BTBD7: variants seen among roughly 807,000 people sequenced by gnomAD.
The protein encoded by BTBD7 is BTB domain containing 7, also known as BTB/POZ domain-containing protein 7.
BTBD7 carries 38 observed loss-of-function variants against 99.9 expected under a neutral mutation model. The ratio of observed to expected loss-of-function variants is 0.38; its 90% confidence interval spans 0.29 to 0.50. BTBD7 has a LOEUF of 0.50. Ranked by LOEUF, BTBD7 falls within the 20% of genes least tolerant of loss-of-function variation. The probability of loss-of-function intolerance (pLI) is 0.93; values close to 1 mark genes in which losing one functional copy is unlikely to be tolerated. For missense variants in BTBD7, 1,170 were observed against 1,394.6 expected (o/e 0.84, Z 2.57); for synonymous variants, 520 against 511.4 (o/e 1.02, Z -0.23).
chr14:93,298,529 C>G (rs1188764216), intron 1 of BTBD7, among the ~76,000 whole-genome samples: 1 of 152,216 alleles, frequency 6.6e-6, no homozygotes, highest in Non-Finnish European at 1.5e-5. Context: ...TGTGTTTAGA[C>G]TTGGGTACCC....
intron 1 of BTBD7, among the ~76,000 whole-genome samples, chr14:93,332,523 T>C (rs2053452297): frequency 6.6e-6 from 1 of 150,680 alleles, no homozygotes; most frequent in Non-Finnish European, 1.5e-5. Context: ...CGCGACTCCC[T>C]CGGGCCGCTC....
At chr14:93,298,727 A>C (rs1317467225) in intron 1 of BTBD7, among the ~76,000 whole-genome samples, 1 of 152,218 alleles carries the variant, frequency 6.6e-6, no homozygotes, top group Non-Finnish European at 1.5e-5. Context: ...GAACACCAAG[A>C]AAAAAGAAAA....
chr14:93,325,770 A>G (rs1164089106), intron 1 of BTBD7, among the ~76,000 whole-genome samples: 1 of 152,188 alleles, frequency 6.6e-6, no homozygotes, highest in East Asian at 1.9e-4. Context: ...TAAAAACCCC[A>G]ACGATGCTCT....
intron 1 of BTBD7, among the ~76,000 whole-genome samples, chr14:93,315,951 CTTT>C (rs35850952): frequency 1.7e-4 from 21 of 124,870 alleles, no homozygotes; most frequent in Admixed American, 2.4e-4. Flanking sequence ...CAAAATGTAT[CTTT>C]TTTTTTTTTT....
intron 3 of BTBD7, chr14:93,288,254 T>A (rs1163542388): frequency 2.1e-6 from 1 of 471,762 alleles, no homozygotes; most frequent in Non-Finnish European, 3.7e-6. Flanking sequence ...CACTTTTCTC[T>A]GGTATATATT....
chr14:93,295,873 A>T, intron 2 of BTBD7, 97 bp downstream of exon 2: 1 of 1,078,006 alleles, frequency 9.3e-7, no homozygotes, highest in Non-Finnish European at 1.3e-6. Flanking sequence ...TATTATAATA[A>T]CTACAGCTCA....
rs149578015 is a variant in BTBD7, at chr14:93,317,285, G to A, written c.-107+15535C>T. ...CTCCCAAAGTGCTGGGATTATAGGC[G>A]TGAGCCACTGCGCCCGGCCGGAATA... On this transcript the variant is annotated intron_variant, in intron 1 of 10. Transcript: ENST00000334746. Among the ~76,000 whole-genome samples the A allele has an allele frequency of 3.2e-3, 485 of 151,906 alleles. 3 individuals carry two copies. The highest frequency in any genetic ancestry group is 0.011 in the African/African-American group (455 of 41,436).
intron 5 of BTBD7, among the ~76,000 whole-genome samples, chr14:93,257,585 T>A (rs2052444587): frequency 6.6e-6 from 1 of 152,242 alleles, no homozygotes; most frequent in Non-Finnish European, 1.5e-5. Context: ...ATCACTGCTC[T>A]GCAATAAAGA....
At chr14:93,271,211 A>G (rs573826122) in intron 3 of BTBD7, among the ~76,000 whole-genome samples, 7 of 152,270 alleles carry the variant, frequency 4.6e-5, no homozygotes, top group African/African-American at 1.7e-4. Flanking sequence ...TCCTGAATAC[A>G]CTGTCAGGAT....
At chr14:93,297,829 G>C (rs1396264073) in intron 1 of BTBD7, among the ~76,000 whole-genome samples, 2 of 152,008 alleles carry the variant, frequency 1.3e-5, no homozygotes, top group South Asian at 2.1e-4. Flanking sequence ...TTTCTCAAAA[G>C]AGTTTAAAAT....
intron 3 of BTBD7, among the ~76,000 whole-genome samples, chr14:93,276,752 G>C (rs1250783084): frequency 6.6e-6 from 1 of 152,096 alleles, no homozygotes; most frequent in Non-Finnish European, 1.5e-5. Context: ...AGTTGTGTGA[G>C]AGACAAAAGC....
intron 3 of BTBD7, among the ~76,000 whole-genome samples, chr14:93,277,717 CA>C (rs2052671663): frequency 6.6e-6 from 1 of 152,156 alleles, no homozygotes; most frequent in Non-Finnish European, 1.5e-5. Context: ...TTTCTATAAT[CA>C]AAGTTCCCTG....
intron 3 of BTBD7, 46 bp downstream of exon 3, chr14:93,293,811 TC>T (rs1446375333): frequency 1.9e-6 from 3 of 1,543,832 alleles, no homozygotes; most frequent in Non-Finnish European, 2.6e-6. Context: ...ATTTGGAAGA[TC>T]AATACATAAT....
At chr14:93,324,423 A>AAAAAAAAAATAAAAAT (rs1555393946) in intron 1 of BTBD7, among the ~76,000 whole-genome samples, 12 of 147,854 alleles carry the variant, frequency 8.1e-5, no homozygotes, top group East Asian at 7.8e-4. Context: ...CCCTGTCTCA[A>AAAAAAAAAATAAAAAT]AAAAAAAAAA....
intron 1 of BTBD7, among the ~76,000 whole-genome samples, chr14:93,327,296 C>A (rs2139835000): frequency 6.6e-6 from 1 of 152,324 alleles, no homozygotes; most frequent in East Asian, 1.9e-4. Context: ...CTGAATGCCC[C>A]TGTGCCAGGC....
chr14:93,245,472 T>C (rs565892143), intron 10 of BTBD7, among the ~76,000 whole-genome samples: 70 of 152,354 alleles, frequency 4.6e-4, no homozygotes, highest in Non-Finnish European at 7.8e-4. Flanking sequence ...TTTTACAGAA[T>C]AGTAGAAGTT....
At chr14:93,281,386 C>T (rs1382128023) in intron 3 of BTBD7, among the ~76,000 whole-genome samples, 2 of 152,160 alleles carry the variant, frequency 1.3e-5, no homozygotes, top group Admixed American at 6.5e-5. Context: ...ATCCACCCGC[C>T]TCAGCCTCCC....
chr14:93,301,047 T>C (rs2052998669), intron 1 of BTBD7, among the ~76,000 whole-genome samples: 1 of 152,078 alleles, frequency 6.6e-6, no homozygotes, highest in African/African-American at 2.4e-5. Context: ...AATGTGAATA[T>C]AAATAACAAT....
chr14:93,323,772 T>C (rs766526216), intron 1 of BTBD7, among the ~76,000 whole-genome samples: 1 of 152,256 alleles, frequency 6.6e-6, no homozygotes, highest in Non-Finnish European at 1.5e-5. Flanking sequence ...TTTCCATTTT[T>C]ACTTTAAAGA....
Sources: gnomAD v4.1 joint callset for allele counts (sites outside exome capture counted in the v4.1 genomes callset) on GRCh38, gnomAD v4.1.1 for gene constraint, MANE v1.5 for transcripts, NCBI Gene and HGNC (gene_info 2026-07-23, HGNC 2026-07-21) for gene names.